The following DLGAP1 variants were observed in gnomAD, a reference collection of about 807,000 sequenced individuals.
The protein encoded by DLGAP1 is DLG associated protein 1, also known as disks large-associated protein 1.
In DLGAP1, 11 loss-of-function variants were observed where a neutral mutation model predicts 90.8. That is an observed-to-expected ratio of 0.12 (90% confidence interval 0.08 to 0.20). DLGAP1 has a LOEUF of 0.20. DLGAP1 is among the 10% of genes least tolerant of loss of function. The probability of loss-of-function intolerance (pLI) is 1.00; values close to 1 mark genes in which losing one functional copy is unlikely to be tolerated. For synonymous variants in DLGAP1, 558 were observed against 540.7 expected (o/e 1.03, Z -0.44); for missense variants, 1,050 against 1,333.8 (o/e 0.79, Z 3.31).
chr18:3,642,495 A>G (rs2058974711), intron 7 of DLGAP1, among the ~76,000 whole-genome samples: 2 of 152,184 alleles, frequency 1.3e-5, no homozygotes. Flanking sequence ...GGAGATAGGT[A>G]TACTGAAAAG....
chr18:4,388,054 G>C (rs1346372924), intron 1 of DLGAP1, among the ~76,000 whole-genome samples: 2 of 152,078 alleles, frequency 1.3e-5, no homozygotes, highest in Non-Finnish European at 2.9e-5. Context: ...TGAGTGCCTA[G>C]TGGGGAAGAA....
chr18:3,807,353 A>G (rs1273581265), intron 5 of DLGAP1, among the ~76,000 whole-genome samples: 1 of 152,172 alleles, frequency 6.6e-6, no homozygotes. Context: ...CTTTCCGTCC[A>G]GCTTTTTATC....
chr18:3,716,235 A>G (rs1467060358), intron 7 of DLGAP1, among the ~76,000 whole-genome samples: 2 of 152,214 alleles, frequency 1.3e-5, no homozygotes, highest in African/African-American at 2.4e-5. Context: ...CCAATGAAAC[A>G]CTAGCTATTT....
At chr18:3,504,384 G>GTTTA (rs776049516) in intron 11 of DLGAP1, among the ~76,000 whole-genome samples, 1 of 151,762 alleles carries the variant, frequency 6.6e-6, no homozygotes, top group Non-Finnish European at 1.5e-5. Context: ...AGATATATCT[G>GTTTA]TTTATTTATT....
intron 3 of DLGAP1, among the ~76,000 whole-genome samples, chr18:3,939,596 T>C (rs2072725505): frequency 6.6e-6 from 1 of 152,212 alleles, no homozygotes; most frequent in South Asian, 2.1e-4. Context: ...TTAAACCTCA[T>C]GTATCTTAGT....
At chr18:4,202,378 C>T (rs1448282081) in intron 1 of DLGAP1, among the ~76,000 whole-genome samples, 6 of 152,028 alleles carry the variant, frequency 3.9e-5, no homozygotes, top group Non-Finnish European at 5.9e-5. Flanking sequence ...TCCAAAATTA[C>T]CTGTTGGGTA....
intron 7 of DLGAP1, among the ~76,000 whole-genome samples, chr18:3,646,665 C>T (rs1188961618): frequency 6.6e-6 from 1 of 152,206 alleles, no homozygotes; most frequent in Non-Finnish European, 1.5e-5. Flanking sequence ...TGGCTCATGC[C>T]TGTAATCCCA....
At chr18:3,613,122 G>A (rs942735137) in intron 7 of DLGAP1, among the ~76,000 whole-genome samples, 5 of 152,164 alleles carry the variant, frequency 3.3e-5, no homozygotes, top group Non-Finnish European at 7.4e-5. Flanking sequence ...ACAGGCATGA[G>A]CCACCACGCC....
chr18:3,602,735 A>T (rs909301752), intron 7 of DLGAP1, among the ~76,000 whole-genome samples: 1 of 152,122 alleles, frequency 6.6e-6, no homozygotes, highest in Non-Finnish European at 1.5e-5. Flanking sequence ...ATTATATTCC[A>T]GTTTTCAAAA....
intron 3 of DLGAP1, among the ~76,000 whole-genome samples, chr18:3,979,822 A>T (rs2073686120): frequency 6.6e-6 from 1 of 152,228 alleles, no homozygotes; most frequent in Admixed American, 6.5e-5. Context: ...AAATACACAC[A>T]ATTATTATTT....
rs75845840 is a variant in DLGAP1, at chr18:3,627,521, C to T, written c.1592-45273G>A. On this transcript the variant is annotated intron_variant, in intron 7 of 12. Transcript: ENST00000315677. ...ACACGCTACAGTCCTACACGCTATC[C>T]GGATGCTTCTCTAATGGGTGGGCGT... is the stretch of plus-strand genomic sequence containing the variant. Among the ~76,000 whole-genome samples the T allele has an allele frequency of 2.9e-4, 44 of 152,218 alleles. No individual in the cohort carries two copies. The East Asian group carries it at 6.0e-3, about 21-fold the overall frequency.
chr18:4,192,323 T>G (rs1288858387), intron 1 of DLGAP1, among the ~76,000 whole-genome samples: 3 of 152,208 alleles, frequency 2.0e-5, no homozygotes, highest in African/African-American at 7.2e-5. Flanking sequence ...AGAACAATGA[T>G]GGCTTGTCAA....
chr18:3,947,290 C>T (rs2072895626), intron 3 of DLGAP1, among the ~76,000 whole-genome samples: 2 of 152,204 alleles, frequency 1.3e-5, no homozygotes, highest in Non-Finnish European at 2.9e-5. Flanking sequence ...TTTCTTATCT[C>T]TTTAGTTACC....
At chr18:3,718,890 C>T (rs1470314653) in intron 7 of DLGAP1, among the ~76,000 whole-genome samples, 1 of 143,780 alleles carries the variant, frequency 7.0e-6, no homozygotes, top group African/African-American at 2.6e-5. Flanking sequence ...TGCGCCACTG[C>T]ACTCCAGCCT....
intron 2 of DLGAP1, among the ~76,000 whole-genome samples, chr18:4,120,575 T>A (rs1030615418): frequency 6.6e-6 from 1 of 152,226 alleles, no homozygotes; most frequent in Admixed American, 6.5e-5. Flanking sequence ...TAGGGAGGTC[T>A]ATAGGTTTCG....
chr18:4,012,727 T>G (rs1389442286), intron 2 of DLGAP1, among the ~76,000 whole-genome samples: 1 of 151,978 alleles, frequency 6.6e-6, no homozygotes, highest in Non-Finnish European at 1.5e-5. Context: ...TCTTTTTTTT[T>G]TTTTTTGAGA....
rs182230525 is a variant in DLGAP1, at chr18:3,646,805, G to A, written c.1592-64557C>T. Among the ~76,000 whole-genome samples, 50 of 151,770 alleles carry A rather than the reference G, an allele frequency of 3.3e-4. 1 individual carries two copies. In the East Asian group the frequency reaches 6.4e-3, roughly 20 times the overall value. ...CCGGGCGTGGTGGTGGGCGCCTGTA[G>A]TCCCAGCTACTCGGGAGGCTGAAGC... On this transcript the variant is annotated intron_variant, in intron 7 of 12. Coordinates refer to ENST00000315677, the MANE Select transcript of DLGAP1 (RefSeq NM_004746.4).
At chr18:4,203,075 G>T (rs2077638731) in intron 1 of DLGAP1, among the ~76,000 whole-genome samples, 1 of 152,020 alleles carries the variant, frequency 6.6e-6, no homozygotes, top group Non-Finnish European at 1.5e-5. Flanking sequence ...AGGAGTTCGA[G>T]ACCAGCCTGG....
At chr18:3,580,836 A>G (rs2055457423) in intron 8 of DLGAP1, 3 of 1,433,668 alleles carry the variant, frequency 2.1e-6, no homozygotes, top group Non-Finnish European at 2.9e-6. Context: ...GTGGAAAATA[A>G]AAGGCTCTGC....
Sources: allele counts gnomAD v4.1 joint callset (sites outside exome capture counted in the v4.1 genomes callset), GRCh38; gene constraint gnomAD v4.1.1; transcripts MANE v1.5; gene names NCBI Gene and HGNC (gene_info 2026-07-23, HGNC 2026-07-21).